MGST1: variants seen among roughly 807,000 people sequenced by gnomAD.
MGST1 encodes the protein glutathione S-transferase 12.
Under a neutral mutation model 8.9 loss-of-function variants are expected in MGST1, and 5 were observed. The ratio of observed to expected loss-of-function variants is 0.56; its 90% confidence interval spans 0.29 to 1.19. The LOEUF (loss-of-function observed/expected upper bound fraction) is 1.19, where lower values mean the gene tolerates loss of function less well. MGST1 is among the 50% of genes most tolerant of loss of function. The probability of loss-of-function intolerance (pLI) is 0.08; values close to 1 mark genes in which losing one functional copy is unlikely to be tolerated. For synonymous variants in MGST1, 54 were observed against 67.8 expected, an observed-to-expected ratio of 0.80 and a Z score of 1.00; for missense variants, 182 against 187.4, an observed-to-expected ratio of 0.97 and a Z score of 0.17.
At chr12:16,445,807 T>C (rs1406486805) in intron 4 of MGST1, among the ~76,000 whole-genome samples, 1 of 151,938 alleles carries the variant, frequency 6.6e-6, no homozygotes, top group Non-Finnish European at 1.5e-5. Context: ...GGACTACTTA[T>C]GGCAGGATAC....
intron 4 of MGST1, among the ~76,000 whole-genome samples, chr12:16,566,316 T>C (rs1472357468): frequency 6.6e-6 from 1 of 151,800 alleles, no homozygotes; most frequent in African/African-American, 2.4e-5. Flanking sequence ...GAGAAATAAG[T>C]TCTGGTGTTC....
At chr12:16,447,197 C>T (rs1353268475) in intron 4 of MGST1, among the ~76,000 whole-genome samples, 1 of 151,880 alleles carries the variant, frequency 6.6e-6, no homozygotes, top group Admixed American at 6.6e-5. Context: ...GGCTCTAAAT[C>T]AATAAACTCT....
chr12:16,366,650 CACACACACACACACAT>C (rs780619679), downstream of MGST1, among the ~76,000 whole-genome samples: 2,321 of 72,176 alleles, frequency 0.032, 39 homozygotes, highest in African/African-American at 0.084. This position sits in a 1 kb window ranked among gnomAD's most constrained non-coding sequence, Gnocchi z 4.0. Flanking sequence ...CACACACACA[CACACACACACACACAT>C]ACACACACAC....
rs1479757396 is a variant in MGST1 at position 16,548,392 on chromosome 12, T to G, written n.483-41136T>G. The G allele has an allele frequency of 6.6e-6, 1 of 152,122 alleles. No homozygotes were observed. The allele number at this position is 152,122 out of a possible 1,614,324, so 9.4% of individuals were successfully genotyped here. On this transcript the variant is annotated intron_variant and non_coding_transcript_variant, in intron 4 of 4. Transcript: ENST00000538857. This position sits in a 1 kb window ranked among gnomAD's most constrained non-coding sequence, Gnocchi z 4.2. Reference sequence around the variant, plus strand: ...TCAAATAGTGTAACACCCCTTTTATTAAAAACATAAATCCAAATGTAAAAA... The same window carrying G: ...TCAAATAGTGTAACACCCCTTTTATGAAAAACATAAATCCAAATGTAAAAA...
Position 16,555,716 on chromosome 12 carries a change from A to C in MGST1, n.483-33812A>C, listed in dbSNP as rs1942166897. Among the ~76,000 whole-genome samples the C allele has an allele frequency of 6.6e-6, 1 of 152,164 alleles. No individual in the cohort carries two copies. The highest frequency in any genetic ancestry group is 1.5e-5 in the Non-Finnish European group (1 of 68,042). On this transcript the variant is annotated intron_variant and non_coding_transcript_variant, in intron 4 of 4. Transcript: ENST00000538857. This position sits in a 1 kb window ranked among gnomAD's most constrained non-coding sequence, Gnocchi z 5.5. ...CAAACCGCTTCTCTAATCTCTGAAC[A>C]TACTGAGCCGCTTTTCATTTCCTAA...
Position 16,546,816 on chromosome 12 carries a change from TTA to T in MGST1, n.483-42710_483-42709del, listed in dbSNP as rs1451651824. On this transcript the variant is annotated intron_variant and non_coding_transcript_variant, in intron 4 of 4. Transcript: ENST00000538857. This position sits in a 1 kb window ranked among gnomAD's most constrained non-coding sequence, Gnocchi z 4.7. ...TAAATCCCTTCCCCTACTGCTGTCA[TTA>T]TCCACAAACCCACCCCAACCAAGCC... 6.6e-6 allele frequency among the ~76,000 whole-genome samples: 1 copy of T among 152,012 alleles called. No individual in the cohort carries two copies. Among genetic ancestry groups the T allele is most frequent in the Non-Finnish European group, 1.5e-5 (1 of 67,972 alleles).
Position 16,578,563 on chromosome 12 carries a change from A to G in MGST1, n.483-10965A>G, listed in dbSNP as rs148892362. Among the ~76,000 whole-genome samples, 921 of 152,242 alleles carry G rather than the reference A, an allele frequency of 6.0e-3. 6 individuals carry two copies. The highest frequency in any genetic ancestry group is 0.016 in the South Asian group (75 of 4,824). ...CCGGGCGCCGTGGCTCATGCCTGTAATCCCAGCCCTTTGGGAGGCTGAGGC... is the reference window on the plus strand; with the variant it reads ...CCGGGCGCCGTGGCTCATGCCTGTAGTCCCAGCCCTTTGGGAGGCTGAGGC... On this transcript the variant is annotated intron_variant and non_coding_transcript_variant, in intron 4 of 4. Coordinates refer to the MGST1 transcript ENST00000538857.
intron 1 of MGST1, among the ~76,000 whole-genome samples, chr12:16,395,796 TATATATATACAC>T (rs1374777965): frequency 8.2e-5 from 11 of 134,596 alleles, no homozygotes; most frequent in African/African-American, 2.7e-4. Flanking sequence ...TATATATATA[TATATATATACAC>T]ACACACACAC....
At chr12:16,418,869 T>C (rs1940807997) in intron 1 of MGST1, among the ~76,000 whole-genome samples, 1 of 152,174 alleles carries the variant, frequency 6.6e-6, no homozygotes, top group Admixed American at 6.5e-5. Flanking sequence ...GTTGTTAAAC[T>C]GAATTTGATC....
At chr12:16,591,906 C>T (rs1374081866), downstream of MGST1, among the ~76,000 whole-genome samples, 1 of 151,994 alleles carries the variant, frequency 6.6e-6, no homozygotes, top group Non-Finnish European at 1.5e-5. This position sits in a 1 kb window ranked among gnomAD's most constrained non-coding sequence, Gnocchi z 4.1. Flanking sequence ...CCTGATCATA[C>T]CTCTTGTCAT....
At chr12:16,444,998 T>C (rs1255973963) in intron 4 of MGST1, among the ~76,000 whole-genome samples, 5 of 151,830 alleles carry the variant, frequency 3.3e-5, no homozygotes, top group Non-Finnish European at 7.4e-5. Flanking sequence ...CTGAGACTTG[T>C]CATAAAATCC....
At chr12:16,418,171 C>A (rs1216831009) in intron 1 of MGST1, among the ~76,000 whole-genome samples, 2 of 152,128 alleles carry the variant, frequency 1.3e-5, no homozygotes, top group Non-Finnish European at 2.9e-5. Flanking sequence ...GACACTTAAT[C>A]ATCAAAACAA....
intron 4 of MGST1, among the ~76,000 whole-genome samples, chr12:16,476,370 G>A (rs9668520): frequency 0.019 from 2,852 of 152,136 alleles, 94 homozygotes; most frequent in African/African-American, 0.065. Context: ...ATAATTCTTG[G>A]TGTATATGCT....
intron 4 of MGST1, among the ~76,000 whole-genome samples, chr12:16,444,680 G>C (rs1016495859): frequency 1.3e-5 from 2 of 151,914 alleles, no homozygotes; most frequent in Non-Finnish European, 2.9e-5. Context: ...TGAAGGGGGA[G>C]TGCTGGTACA....
At chr12:16,445,248 T>C (rs898897887) in intron 4 of MGST1, among the ~76,000 whole-genome samples, 9 of 151,860 alleles carry the variant, frequency 5.9e-5, no homozygotes, top group Admixed American at 3.3e-4. Context: ...GGATTGTAAT[T>C]CCTTCTTTGT....
intron 4 of MGST1, among the ~76,000 whole-genome samples, chr12:16,508,454 T>C (rs915095332): frequency 6.6e-6 from 1 of 152,186 alleles, no homozygotes; most frequent in Non-Finnish European, 1.5e-5. Context: ...GGAAGTCTTA[T>C]TTTTTATCCT....
At chr12:16,385,076 G>A (rs1009885829) in intron 1 of MGST1, among the ~76,000 whole-genome samples, 2 of 152,186 alleles carry the variant, frequency 1.3e-5, no homozygotes, top group Admixed American at 1.3e-4. Context: ...TTCACCCACC[G>A]TGGACTTGCT....
Position 16,364,238 on chromosome 12 carries a change from T to C in MGST1, c.*197T>C. 1 of 1,270,578 alleles carries C rather than the reference T, an allele frequency of 7.9e-7. No individual in the cohort carries two copies. The highest frequency in any genetic ancestry group is 3.0e-5 in the South Asian group (1 of 32,992). The allele number at this position is 1,270,578 out of a possible 1,614,324, so 78.7% of individuals were successfully genotyped here. On this transcript the variant is annotated 3_prime_UTR_variant, in exon 4 of 4. Transcript: ENST00000396210. This position sits in a 1 kb window ranked among gnomAD's most constrained non-coding sequence, Gnocchi z 5.7. ...TGGATTAGAAATTTAACATAGTAAT[T>C]CTTAAGTCTTTTGTCTGATTTTTAA... is the stretch of plus-strand genomic sequence containing the variant.
chr12:16,397,929 G>C (rs1940620371), intron 1 of MGST1, among the ~76,000 whole-genome samples: 1 of 151,036 alleles, frequency 6.6e-6, no homozygotes. Context: ...TTAAGATTTT[G>C]ATTAGGATTA....
Sources: gnomAD v4.1 joint callset for allele counts (sites outside exome capture counted in the v4.1 genomes callset) on GRCh38, gnomAD v4.1.1 for gene constraint, Gnocchi (gnomAD v3.1) non-coding constraint, MANE v1.5 for transcripts, NCBI Gene and HGNC (gene_info 2026-07-23, HGNC 2026-07-21) for gene names.